The following MKLN1 variants were observed in gnomAD, a reference collection of about 807,000 sequenced individuals.
The protein encoded by MKLN1 is muskelin.
In MKLN1, 18 loss-of-function variants were observed where a neutral mutation model predicts 99.0. The ratio of observed to expected loss-of-function variants is 0.18; its 90% CI spans 0.13 to 0.27. The LOEUF is 0.27. Ranked by LOEUF, MKLN1 falls within the 10% of genes least tolerant of loss-of-function variation. The pLI, the probability that MKLN1 is intolerant of heterozygous loss-of-function variation, is 1.00. For synonymous variants in MKLN1, 288 were observed against 293.2 expected, an observed-to-expected ratio of 0.98 and a Z score of 0.18; for missense variants, 621 against 875.9, an observed-to-expected ratio of 0.71 and a Z score of 3.67.
chr7:131,370,919 G>A (rs1793423763), intron 1 of MKLN1, among the ~76,000 whole-genome samples: 1 of 152,150 alleles, frequency 6.6e-6, no homozygotes, highest in South Asian at 2.1e-4. Context: ...AGTTGGCTTA[G>A]TGCTGGGACT....
At chr7:131,120,063 C>T (rs1214983301) in intron 1 of MKLN1, among the ~76,000 whole-genome samples, 4 of 147,034 alleles carry the variant, frequency 2.7e-5, no homozygotes, top group South Asian at 2.1e-4. Context: ...CCCAGCTACT[C>T]GGGAGGCTGA....
At chr7:131,425,701 G>A (rs545271719) in intron 8 of MKLN1, among the ~76,000 whole-genome samples, 5 of 152,302 alleles carry the variant, frequency 3.3e-5, no homozygotes, top group African/African-American at 1.2e-4. Flanking sequence ...GCTCCTTGAA[G>A]AGGATCGTAC....
At chr7:131,331,711 A>T (rs1799080560) in intron 1 of MKLN1, among the ~76,000 whole-genome samples, 1 of 152,246 alleles carries the variant, frequency 6.6e-6, no homozygotes, top group South Asian at 2.1e-4. Context: ...GTTCATTATT[A>T]TACATGGCTA....
At chr7:131,321,568 G>A (rs1051522137) in intron 3 of MKLN1, among the ~76,000 whole-genome samples, 4 of 152,122 alleles carry the variant, frequency 2.6e-5, no homozygotes, top group Middle Eastern at 3.4e-3. Flanking sequence ...CACATGTATC[G>A]CAGAATTTAA....
intron 3 of MKLN1, among the ~76,000 whole-genome samples, chr7:131,308,759 A>G (rs1347930730): frequency 6.6e-6 from 1 of 150,922 alleles, no homozygotes; most frequent in Non-Finnish European, 1.5e-5. Flanking sequence ...CTAATTTTGT[A>G]TTTTTAGTAG....
intron 2 of MKLN1, among the ~76,000 whole-genome samples, chr7:131,173,580 G>A (rs543618855): frequency 2.6e-5 from 4 of 152,234 alleles, no homozygotes; most frequent in South Asian, 4.1e-4. Context: ...TTAGCCTGGC[G>A]TGGTCATGCA....
At chr7:131,421,890 T>C (rs1563340151) in intron 8 of MKLN1, among the ~76,000 whole-genome samples, 1 of 152,198 alleles carries the variant, frequency 6.6e-6, no homozygotes, top group Non-Finnish European at 1.5e-5. Context: ...TTTAATCTTT[T>C]ATATAATTGG....
At chr7:131,294,980 C>T (rs1798269791) in intron 3 of MKLN1, among the ~76,000 whole-genome samples, 2 of 152,100 alleles carry the variant, frequency 1.3e-5, no homozygotes, top group South Asian at 2.1e-4. Context: ...GTCCTTGTGC[C>T]TTCCCTTCTC....
At chr7:131,482,817 C>T (rs944570684) in intron 17 of MKLN1, among the ~76,000 whole-genome samples, 3 of 152,204 alleles carry the variant, frequency 2.0e-5, no homozygotes, top group African/African-American at 7.2e-5. Flanking sequence ...TACTGTGGGG[C>T]CAAGTGCTCT....
chr7:131,396,254 G>A (rs985307119), intron 4 of MKLN1, among the ~76,000 whole-genome samples: 1 of 152,016 alleles, frequency 6.6e-6, no homozygotes, highest in African/African-American at 2.4e-5. Context: ...TCTATTTTTA[G>A]TGGAGACAGA....
chr7:131,487,827 G>C lies in MKLN1; in HGVS notation c.*99G>C. Reference sequence around the variant, plus strand: ...TGACAGTAAAGCTGCAGTGATTGAGGACTGCACCAGAGTTCTGAAGGGATC... The same window carrying C: ...TGACAGTAAAGCTGCAGTGATTGAGCACTGCACCAGAGTTCTGAAGGGATC... On this transcript the variant is annotated 3_prime_UTR_variant, in exon 18 of 18. Transcript: ENST00000352689. This position sits in a 1 kb window ranked among gnomAD's most constrained non-coding sequence, Gnocchi z 4.7. The C allele has an allele frequency of 1.4e-6, 2 of 1,386,170 alleles. No individual in the cohort carries two copies. Among genetic ancestry groups the C allele is most frequent in the Non-Finnish European group, 2.0e-6 (2 of 1,015,166 alleles). 85.9% of individuals were successfully genotyped at this position (1,386,170 alleles called of 1,614,324 possible).
chr7:131,428,072 G>A lies in MKLN1; in HGVS notation c.848-961G>A, dbSNP rs914693373. Among the ~76,000 whole-genome samples, 5 of 152,174 alleles carry A rather than the reference G, an allele frequency of 3.3e-5. No homozygotes were observed. In the East Asian group the frequency reaches 7.7e-4, roughly 24 times the overall value. The stretch of plus-strand genomic sequence containing the variant: ...TGTAGTCCCAGCTACTCGAGAGGCT[G>A]GGGTGGAGGGATTGCTTGAACCCAG... On this transcript the variant is annotated intron_variant, in intron 8 of 17. Coordinates refer to ENST00000352689, the MANE Select transcript of MKLN1 (RefSeq NM_013255.5).
At chr7:131,375,381 C>T (rs1339420021) in intron 1 of MKLN1, 43 bp from the exon 2 acceptor site, 1 of 1,242,518 alleles carries the variant, frequency 8.0e-7, no homozygotes, top group South Asian at 1.2e-5. Flanking sequence ...CTGTTTTTGC[C>T]TATTCATGTT....
intron 3 of MKLN1, among the ~76,000 whole-genome samples, chr7:131,223,761 T>G (rs1189659570): frequency 2.0e-5 from 3 of 152,050 alleles, no homozygotes; most frequent in Admixed American, 2.0e-4. Flanking sequence ...ATGTGCTTTT[T>G]TTGTTGTTGT....
At chr7:131,153,065 G>A (rs1795912973) in intron 2 of MKLN1, among the ~76,000 whole-genome samples, 1 of 145,932 alleles carries the variant, frequency 6.9e-6, no homozygotes, top group African/African-American at 2.6e-5. Context: ...CTGCTTCCTA[G>A]GGAGTGGAGT....
chr7:131,254,564 C>T (rs1300502988), intron 3 of MKLN1, among the ~76,000 whole-genome samples: 1 of 151,782 alleles, frequency 6.6e-6, no homozygotes, highest in Non-Finnish European at 1.5e-5. Context: ...ATGACAATGC[C>T]TCATTAGATA....
rs535123018 is a variant in MKLN1, at chr7:131,436,819, G to A, written c.961-966G>A. On this transcript the variant is annotated intron_variant, in intron 9 of 17. Coordinates refer to ENST00000352689, the MANE Select transcript of MKLN1 (RefSeq NM_013255.5). Reference sequence around the variant, plus strand: ...TTTTATTGGGTCCTGTGATACAAGTGATACCAGCTAATTAATTTATTGATA... The same window carrying A: ...TTTTATTGGGTCCTGTGATACAAGTAATACCAGCTAATTAATTTATTGATA... Among the ~76,000 whole-genome samples the A allele has an allele frequency of 2.1e-4, 32 of 152,210 alleles. 1 individual carries two copies. The highest frequency in any genetic ancestry group is 1.7e-3 in the Admixed American group (26 of 15,296).
At chr7:131,349,745 A>C (rs985873419) in intron 1 of MKLN1, among the ~76,000 whole-genome samples, 2 of 152,200 alleles carry the variant, frequency 1.3e-5, no homozygotes, top group African/African-American at 4.8e-5. Flanking sequence ...CTCAGCAGAT[A>C]GATTTTTTTG....
intron 17 of MKLN1, among the ~76,000 whole-genome samples, chr7:131,481,813 CAA>C (rs35675974): frequency 0.12 from 13,528 of 109,318 alleles, 648 homozygotes; most frequent in Middle Eastern, 0.22. Context: ...CTAAGGTCTG[CAA>C]AAAAAAAAAA....
Sources: allele counts gnomAD v4.1 joint callset (sites outside exome capture counted in the v4.1 genomes callset), GRCh38; gene constraint gnomAD v4.1.1; non-coding constraint Gnocchi (gnomAD v3.1); transcripts MANE v1.5; gene names NCBI Gene and HGNC (gene_info 2026-07-23, HGNC 2026-07-21).